HTR2C: variants seen among roughly 807,000 people sequenced by gnomAD.
HTR2C encodes the protein 5-hydroxytryptamine (serotonin) receptor 2C, G protein-coupled.
A neutral mutation model predicts 21.0 loss-of-function variants in HTR2C; 5 were observed. That is an observed-to-expected ratio of 0.24 (90% CI 0.12 to 0.50). The LOEUF (loss-of-function observed/expected upper bound fraction) is 0.50, where lower values mean the gene tolerates loss of function less well. Ranked by LOEUF, HTR2C falls within the 20% of genes least tolerant of loss-of-function variation. The probability of loss-of-function intolerance (pLI) is 0.98; values close to 1 mark genes in which losing one functional copy is unlikely to be tolerated. For synonymous variants in HTR2C, 150 were observed against 145.3 expected, an observed-to-expected ratio of 1.03 and a Z score of -0.23; for missense variants, 271 against 371.2, an observed-to-expected ratio of 0.73 and a Z score of 2.22.
At position 114,818,391 on chromosome X, in the gene HTR2C, C is replaced by A. The variant is rs782141860; in HGVS notation, c.350-29612C>A. On this transcript the variant is annotated intron_variant, in intron 4 of 5. Transcript: ENST00000276198. ...GGTTTGAGTGAATTGCTTTTTAAAGCCTTCTCTCTTTCAAATAGTAATGTC... is the reference window on the plus strand; with the variant it reads ...GGTTTGAGTGAATTGCTTTTTAAAGACTTCTCTCTTTCAAATAGTAATGTC... Among the ~76,000 whole-genome samples, 3 of 111,887 alleles carry A rather than the reference C, an allele frequency of 2.7e-5. No homozygotes were observed. In the South Asian group the frequency reaches 1.1e-3, roughly 41 times the overall value.
chrX:114,623,712 A>C (rs149861158), intron 2 of HTR2C, among the ~76,000 whole-genome samples: 3 of 110,904 alleles, frequency 2.7e-5, no homozygotes, highest in Non-Finnish European at 5.7e-5. Context: ...CAGCATACAC[A>C]TCAAAGTTTC....
At chrX:114,606,458 G>C (rs1176010509) in intron 1 of HTR2C, among the ~76,000 whole-genome samples, 2 of 111,816 alleles carry the variant, frequency 1.8e-5, no homozygotes, top group African/African-American at 3.3e-5. Flanking sequence ...ACCAAGGGAA[G>C]GCTGCCTTCC....
intron 4 of HTR2C, among the ~76,000 whole-genome samples, chrX:114,840,063 G>T (rs186292292): frequency 1.5e-3 from 169 of 110,416 alleles, no homozygotes; most frequent in African/African-American, 5.4e-3. Flanking sequence ...GCATCTCAAC[G>T]ACATGGCATT....
intron 4 of HTR2C, among the ~76,000 whole-genome samples, chrX:114,802,694 C>T (rs1174972744): frequency 5.5e-5 from 5 of 90,403 alleles, no homozygotes; most frequent in Non-Finnish European, 1.1e-4. Context: ...TTCTTTCTTT[C>T]TTTCTTTCTT....
chrX:114,761,916 T>C lies in HTR2C; in HGVS notation c.349+30309T>C, dbSNP rs1556432506. On this transcript the variant is annotated intron_variant, in intron 4 of 5. Coordinates refer to ENST00000276198, the MANE Select transcript of HTR2C (RefSeq NM_000868.4). ...GTATATATACATATATGTGTATATA[T>C]ACGTGTATATATACATATATGTGTA... Among the ~76,000 whole-genome samples, 458 of 106,232 alleles carry C rather than the reference T, an allele frequency of 4.3e-3. 2 individuals are homozygous for C. Among genetic ancestry groups the C allele is most frequent in the African/African-American group, 0.017 (442 of 26,438 alleles). The allele number at this position is 106,232 out of a possible 115,157, so 92.2% of individuals were successfully genotyped here.
chrX:114,816,689 A>G, intron 4 of HTR2C, among the ~76,000 whole-genome samples: 1 of 110,754 alleles, frequency 9.0e-6, no homozygotes, highest in East Asian at 2.8e-4. Flanking sequence ...TAATTATAAT[A>G]ATGTGTGGCT....
At chrX:114,805,963 T>TAC (rs1473801438) in intron 4 of HTR2C, among the ~76,000 whole-genome samples, 2 of 53,594 alleles carry the variant, frequency 3.7e-5, no homozygotes, top group African/African-American at 1.1e-4. Flanking sequence ...ACCATATATA[T>TAC]ACCATATATA....
intron 4 of HTR2C, among the ~76,000 whole-genome samples, chrX:114,768,517 GTAATA>G (rs1199200511): frequency 1.2e-4 from 13 of 110,749 alleles, no homozygotes; most frequent in South Asian, 3.7e-4. Flanking sequence ...CAAATATAAT[GTAATA>G]TAATATAACA....
chrX:114,759,525 C>T (rs1381300418), intron 4 of HTR2C, among the ~76,000 whole-genome samples: 2 of 111,872 alleles, frequency 1.8e-5, no homozygotes, highest in Non-Finnish European at 3.8e-5. Flanking sequence ...ATATAAATTG[C>T]ATCTATAAAA....
Position 114,847,925 on chromosome X carries a change from A to G in HTR2C, c.350-78A>G, listed in dbSNP as rs2070886679. On this transcript the variant is annotated intron_variant, in intron 4 of 5. Coordinates refer to ENST00000276198, the MANE Select transcript of HTR2C (RefSeq NM_000868.4). ...TAAAAGGTTTAGATTATGAGAAAAT[A>G]TAAGCAGACTAAAATTTGAGACTAT... 4.0e-6 allele frequency: 3 copies of G among 757,571 alleles called. No homozygotes were observed. The South Asian group carries it at 8.4e-5, about 21-fold the overall frequency. 62.4% of individuals were successfully genotyped at this position (757,571 alleles called of 1,213,427 possible).
At chrX:114,695,283 T>C (rs1259999588) in intron 2 of HTR2C, among the ~76,000 whole-genome samples, 1 of 111,814 alleles carries the variant, frequency 8.9e-6, no homozygotes, top group Admixed American at 9.5e-5. Flanking sequence ...AAACATAGCG[T>C]TGGGTTTTCT....
At chrX:114,879,429 C>T (rs1378374240) in intron 5 of HTR2C, among the ~76,000 whole-genome samples, 1 of 109,596 alleles carries the variant, frequency 9.1e-6, no homozygotes, top group Non-Finnish European at 1.9e-5. Flanking sequence ...AACTTTTTAT[C>T]TAATCTGACA....
chrX:114,849,346 A>G lies in HTR2C; in HGVS notation c.550+1143A>G, dbSNP rs782479809. On this transcript the variant is annotated intron_variant, in intron 5 of 5. Coordinates refer to ENST00000276198, the MANE Select transcript of HTR2C (RefSeq NM_000868.4). Reference sequence around the variant, plus strand: ...AGTAATGAAAGACTGAGTAATTTGCAATGACTCTTGTGCTAAAGGCAAATA... The same window carrying G: ...AGTAATGAAAGACTGAGTAATTTGCGATGACTCTTGTGCTAAAGGCAAATA... 3.6e-5 allele frequency among the ~76,000 whole-genome samples: 4 copies of G among 112,360 alleles called. No individual in the cohort carries two copies. The East Asian group carries it at 8.4e-4, about 24-fold the overall frequency.
chrX:114,719,644 A>G (rs782679280), intron 2 of HTR2C, among the ~76,000 whole-genome samples: 4 of 111,791 alleles, frequency 3.6e-5, no homozygotes, highest in Non-Finnish European at 7.5e-5. Context: ...ATAAATTGGA[A>G]ATCTATATAC....
At chrX:114,592,148 G>T (rs917142146) in intron 1 of HTR2C, among the ~76,000 whole-genome samples, 3 of 112,095 alleles carry the variant, frequency 2.7e-5, no homozygotes, top group East Asian at 2.8e-4. Context: ...GTCACAAATT[G>T]TATAATATAT....
intron 5 of HTR2C, among the ~76,000 whole-genome samples, chrX:114,884,176 C>A (rs953376125): frequency 3.3e-4 from 36 of 110,742 alleles, no homozygotes; most frequent in African/African-American, 1.2e-3. Flanking sequence ...CATTTATTCA[C>A]TGATGAAGAT....
At chrX:114,668,046 T>C (rs1931240742) in intron 2 of HTR2C, among the ~76,000 whole-genome samples, 1 of 111,624 alleles carries the variant, frequency 9.0e-6, no homozygotes, top group African/African-American at 3.3e-5. Flanking sequence ...TACAAAAAAA[T>C]CTGTTTCATT....
At chrX:114,866,780 C>T (rs951911384) in intron 5 of HTR2C, among the ~76,000 whole-genome samples, 2 of 111,120 alleles carry the variant, frequency 1.8e-5, no homozygotes, top group East Asian at 5.7e-4. Flanking sequence ...TGGCTTATTT[C>T]GTTTCACATA....
intron 4 of HTR2C, among the ~76,000 whole-genome samples, chrX:114,836,825 C>A (rs1033361268): frequency 9.3e-6 from 1 of 107,398 alleles, no homozygotes; most frequent in Non-Finnish European, 1.9e-5. Context: ...ACTTTATATA[C>A]AACAACCTTT....
Sources: allele counts gnomAD v4.1 joint callset (sites outside exome capture counted in the v4.1 genomes callset), GRCh38; gene constraint gnomAD v4.1.1; transcripts MANE v1.5; gene names NCBI Gene and HGNC (gene_info 2026-07-23, HGNC 2026-07-21).